HLCS: variants seen among roughly 807,000 people sequenced by gnomAD.
HLCS encodes holocarboxylase synthetase.
Under a neutral mutation model 75.0 loss-of-function variants are expected in HLCS, and 53 were observed. The ratio of observed to expected loss-of-function variants is 0.71; its 90% CI spans 0.57 to 0.89. The LOEUF (loss-of-function observed/expected upper bound fraction) is 0.89. Ranked by LOEUF, HLCS falls within the 40% of genes least tolerant of loss-of-function variation. The probability of loss-of-function intolerance (pLI) is 0.00; values close to 1 mark genes in which losing one functional copy is unlikely to be tolerated. For missense variants in HLCS, 966 were observed against 1,074.0 expected (o/e 0.90, Z 1.41); for synonymous variants, 431 against 428.6 (o/e 1.01, Z -0.07).
At chr21:36,888,440 AAAAAAAT>A (rs1169807005) in intron 6 of HLCS, among the ~76,000 whole-genome samples, 6 of 30,538 alleles carry the variant, frequency 2.0e-4, no homozygotes, top group African/African-American at 2.2e-4. Flanking sequence ...TTTAAAAAAA[AAAAAAAT>A]ATATATATAT....
chr21:36,936,809 G>T lies in HLCS; in HGVS notation c.1077C>A (p.Asp359Glu), dbSNP rs2066907836. ...EDSALRDPWT[D>E]NCLLLVIATR... ...TAGCAATGACCAACAGCAGACAGTT[G>T]TCCGTCCACGGGTCTCTGAGAGCAC... is the stretch of plus-strand genomic sequence containing the variant. The change falls in exon 4 of 11, where the codon GAC becomes GAA. Residue 359 changes from aspartate (D) to glutamate (E), a missense_variant. By Grantham distance (45) the Asp-to-Glu change is conservative. Transcript: ENST00000674895. 6.2e-7 allele frequency: 1 copy of T among 1,614,078 alleles called. No homozygotes were observed. The highest frequency in any genetic ancestry group is 1.7e-5 in the Admixed American group (1 of 60,010).
intron 6 of HLCS, among the ~76,000 whole-genome samples, chr21:36,849,123 T>C (rs2062896984): frequency 6.6e-6 from 1 of 152,186 alleles, no homozygotes; most frequent in Non-Finnish European, 1.5e-5. Context: ...GTGAATAAAT[T>C]CCATTTAAGC....
chr21:36,822,217 C>T (rs1381164119), intron 6 of HLCS, among the ~76,000 whole-genome samples: 1 of 152,066 alleles, frequency 6.6e-6, no homozygotes, highest in African/African-American at 2.4e-5. Context: ...GTCAGGAGTT[C>T]GAAACCAGCC....
At chr21:36,846,979 T>C (rs905330482) in intron 6 of HLCS, among the ~76,000 whole-genome samples, 30 of 152,228 alleles carry the variant, frequency 2.0e-4, no homozygotes, top group African/African-American at 7.0e-4. Context: ...ACAATTTTTG[T>C]AGCCTTTTCA....
chr21:36,968,222 C>T (rs565105896), upstream of HLCS, among the ~76,000 whole-genome samples: 26 of 152,228 alleles, frequency 1.7e-4, no homozygotes, highest in African/African-American at 6.0e-4. Flanking sequence ...CTCCTGGTCT[C>T]GAGCAGTCAA....
At chr21:36,806,728 G>A (rs181867091) in intron 6 of HLCS, among the ~76,000 whole-genome samples, 143 of 152,310 alleles carry the variant, frequency 9.4e-4, no homozygotes, top group Middle Eastern at 3.4e-3. Flanking sequence ...TTAAGAGAGC[G>A]TATTACTTAT....
intron 6 of HLCS, among the ~76,000 whole-genome samples, chr21:36,792,119 A>T (rs766718629): frequency 6.6e-6 from 1 of 152,118 alleles, no homozygotes; most frequent in Non-Finnish European, 1.5e-5. Flanking sequence ...GTAAAAGACC[A>T]TCTCAGCACC....
chr21:36,865,265 G>A (rs1025995693), intron 6 of HLCS, among the ~76,000 whole-genome samples: 4 of 151,932 alleles, frequency 2.6e-5, no homozygotes, highest in South Asian at 2.1e-4. Flanking sequence ...CCCAGAATGC[G>A]CGCCAGTTTA....
rs2230182 is a variant in HLCS at position 36,937,160 on chromosome 21, G to A, written c.726C>T (p.Pro242=). ...PAGDSDRGGG[P]VEHYHLHLSS... The stretch of plus-strand genomic sequence containing the variant: ...ACAGATGGAGGTGATAATGCTCAAC[G>A]GGGCCCCCTCCCCTGTCACTGTCCC... Residue 242 remains proline, a synonymous_variant, in exon 4 of 11, where the codon CCC becomes CCT. Transcript: ENST00000674895. The A allele has an allele frequency of 1.3e-3, 2,057 of 1,614,046 alleles. 24 individuals carry two copies. The African/African-American group carries it at 0.019, about 15-fold the overall frequency.
intron 6 of HLCS, among the ~76,000 whole-genome samples, chr21:36,838,653 A>C (rs1398710083): frequency 1.3e-5 from 2 of 151,708 alleles, no homozygotes; most frequent in Non-Finnish European, 2.9e-5. Context: ...GCAGTGAGCC[A>C]AGATCACGCC....
chr21:36,813,478 A>C (rs1055455027), intron 6 of HLCS, among the ~76,000 whole-genome samples: 1 of 152,218 alleles, frequency 6.6e-6, no homozygotes, highest in African/African-American at 2.4e-5. Flanking sequence ...TCATGGGAGA[A>C]AGGAAATTTT....
chr21:36,963,997 G>T (rs1162432314), intron 1 of HLCS, among the ~76,000 whole-genome samples: 4 of 152,164 alleles, frequency 2.6e-5, no homozygotes, highest in Non-Finnish European at 5.9e-5. Context: ...CAAGGTGGGC[G>T]GATCACCTGA....
chr21:36,935,785 A>C (rs1407378707), intron 4 of HLCS, among the ~76,000 whole-genome samples: 1 of 152,252 alleles, frequency 6.6e-6, no homozygotes, highest in Non-Finnish European at 1.5e-5. Context: ...AGATGAGCCA[A>C]AGGATCTCCT....
At position 36,749,782 on chromosome 21, in the gene HLCS, T is replaced by C. The variant is rs2089312846; in HGVS notation, c.*4464A>G. ...ATACCACCGACATTTTTCAATAAAG[T>C]ACTGCAAAATGCTTTTGTGTCTACC... On this transcript the variant is annotated 3_prime_UTR_variant, in exon 11 of 11. Coordinates refer to ENST00000674895, the MANE Select transcript of HLCS (RefSeq NM_001352514.2). 1 of 152,236 alleles carries C rather than the reference T, an allele frequency of 6.6e-6. No homozygotes were observed. The highest frequency in any genetic ancestry group is 1.5e-5 in the Non-Finnish European group (1 of 68,038). The allele number at this position is 152,236 out of a possible 1,614,324, so 9.4% of individuals were successfully genotyped here.
upstream of HLCS, among the ~76,000 whole-genome samples, chr21:36,968,091 C>G (rs1307579766): frequency 6.6e-6 from 1 of 152,186 alleles, no homozygotes; most frequent in Non-Finnish European, 1.5e-5. Flanking sequence ...ATAATCACAG[C>G]TCTCTGCAGC....
Position 36,958,087 on chromosome 21 carries a change from A to C in HLCS, c.330+3949T>G, listed in dbSNP as rs189655303. Among the ~76,000 whole-genome samples, 19 of 149,804 alleles carry C rather than the reference A, an allele frequency of 1.3e-4. No homozygotes were observed. In the East Asian group the frequency reaches 3.8e-3, roughly 30 times the overall value. On this transcript the variant is annotated intron_variant, in intron 2 of 10. Coordinates refer to ENST00000674895, the MANE Select transcript of HLCS (RefSeq NM_001352514.2). Reference sequence around the variant, plus strand: ...CTAAAAATACAATAAATAAATAAATAAATAAATTAGCCGGATGTGGCAGCA... The same window carrying C: ...CTAAAAATACAATAAATAAATAAATCAATAAATTAGCCGGATGTGGCAGCA...
chr21:36,960,974 A>G (rs1979462097), intron 2 of HLCS, among the ~76,000 whole-genome samples: 1 of 152,258 alleles, frequency 6.6e-6, no homozygotes, highest in Non-Finnish European at 1.5e-5. Context: ...CAGCTCAGAC[A>G]AAAGATAATG....
At chr21:36,932,570 GA>G (rs1216959730) in intron 4 of HLCS, among the ~76,000 whole-genome samples, 3 of 152,138 alleles carry the variant, frequency 2.0e-5, no homozygotes, top group Admixed American at 2.0e-4. Flanking sequence ...GAACTTACTG[GA>G]ACCTCTAGCT....
intron 1 of HLCS, among the ~76,000 whole-genome samples, chr21:36,978,262 A>G (rs9976131): frequency 0.51 from 77,885 of 151,940 alleles, 20,536 homozygotes; most frequent in African/African-American, 0.65. Context: ...TTGGGAGATC[A>G]AGGCGGGTGG....
Sources: gnomAD v4.1 joint callset for allele counts (sites outside exome capture counted in the v4.1 genomes callset) on GRCh38, gnomAD v4.1.1 for gene constraint, MANE v1.5 for transcripts, NCBI Gene and HGNC (gene_info 2026-07-23, HGNC 2026-07-21) for gene names.